Variants in MS4A8 observed in about 807,000 individuals in gnomAD.
MS4A8 encodes the protein membrane spanning 4-domains A8.
In MS4A8, 27 loss-of-function variants were observed where a neutral mutation model predicts 23.7. That is an observed-to-expected ratio of 1.14 (90% CI 0.84 to 1.57). The LOEUF is 1.57. Ranked by LOEUF, MS4A8 falls within the 40% of genes most tolerant of loss-of-function variation. MS4A8 has a pLI of 0.00. For missense variants in MS4A8, 301 were observed against 311.4 expected, an observed-to-expected ratio of 0.97 and a Z score of 0.25; for synonymous variants, 138 against 126.3, an observed-to-expected ratio of 1.09 and a Z score of -0.62.
intron 6 of MS4A8, 41 bp downstream of exon 6, chr11:60,715,175 A>G: frequency 6.5e-7 from 1 of 1,539,182 alleles, no homozygotes; most frequent in East Asian, 2.2e-5. Context: ...AGATGCCCCC[A>G]AAAAGGTGGA....
chr11:60,713,197 G>A (rs898534657), intron 5 of MS4A8, among the ~76,000 whole-genome samples: 1 of 144,300 alleles, frequency 6.9e-6, no homozygotes, highest in South Asian at 2.3e-4. Flanking sequence ...GAAGGGGTGG[G>A]TTGCCCCTTC....
chr11:60,701,167 T>C (rs2088201006), intron 2 of MS4A8, 88 bp downstream of exon 2: 1 of 1,260,260 alleles, frequency 7.9e-7, no homozygotes, highest in South Asian at 1.3e-5. Flanking sequence ...ACACAAACAC[T>C]ACATCCCGCA....
chr11:60,708,091 A>G (rs932369946), intron 4 of MS4A8, among the ~76,000 whole-genome samples: 3 of 151,794 alleles, frequency 2.0e-5, no homozygotes, highest in African/African-American at 7.3e-5. Flanking sequence ...CAGGTGATCC[A>G]CCTGCCTCAG....
chr11:60,705,181 GC>G, intron 3 of MS4A8, among the ~76,000 whole-genome samples: 1 of 152,188 alleles, frequency 6.6e-6, no homozygotes, highest in East Asian at 1.9e-4. Context: ...TCAGAACTCA[GC>G]CCCTTTCCCT....
At chr11:60,701,381 A>T (rs531177883) in intron 2 of MS4A8, 69 of 518,002 alleles carry the variant, frequency 1.3e-4, no homozygotes, top group South Asian at 1.0e-3. Flanking sequence ...GCCTCTGAAG[A>T]AAGGGGTCCC....
intron 2 of MS4A8, among the ~76,000 whole-genome samples, chr11:60,702,495 T>C (rs558953675): frequency 6.6e-6 from 1 of 152,340 alleles, no homozygotes; most frequent in East Asian, 1.9e-4. Flanking sequence ...CTCTGCCTCC[T>C]GGGTTTAAGC....
intron 3 of MS4A8, among the ~76,000 whole-genome samples, chr11:60,705,298 C>T (rs148164824): frequency 6.6e-6 from 1 of 152,356 alleles, no homozygotes; most frequent in Non-Finnish European, 1.5e-5. Context: ...CCATTGAGCA[C>T]ACAATGCCTA....
At chr11:60,711,921 G>A (rs1289798869) in intron 5 of MS4A8, 1 of 451,360 alleles carries the variant, frequency 2.2e-6, no homozygotes. Context: ...TGAACATGGA[G>A]GGTCGGACTG....
At chr11:60,703,590 C>T in intron 3 of MS4A8, 90 bp downstream of exon 3, 1 of 1,468,172 alleles carries the variant, frequency 6.8e-7, no homozygotes, top group Non-Finnish European at 9.3e-7. Context: ...CTGTGCCCTG[C>T]AGAAGGTTCC....
intron 6 of MS4A8, 78 bp downstream of exon 6, chr11:60,715,212 C>T: frequency 6.7e-7 from 1 of 1,486,884 alleles, no homozygotes; most frequent in African/African-American, 1.4e-5. Flanking sequence ...GTGCTTTCCA[C>T]TGCCTGCTCA....
chr11:60,704,114 T>G (rs903576044), intron 3 of MS4A8, among the ~76,000 whole-genome samples: 9 of 149,136 alleles, frequency 6.0e-5, no homozygotes, highest in African/African-American at 2.3e-4. Context: ...ATTTTCTTTT[T>G]ACTTTTTTTT....
Position 60,708,899 on chromosome 11 carries a change from C to A in MS4A8, c.534+118C>A, listed in dbSNP as rs1200821733. 3.9e-6 allele frequency: 5 copies of A among 1,281,872 alleles called. No homozygotes were observed. The African/African-American group carries it at 7.4e-5, about 19-fold the overall frequency. The allele number at this position is 1,281,872 out of a possible 1,614,324, so 79.4% of individuals were successfully genotyped here. On this transcript the variant is annotated intron_variant, in intron 5 of 6. Coordinates refer to ENST00000300226, the MANE Select transcript of MS4A8 (RefSeq NM_031457.2). ...CTGAACATGGTAGGAAAAGGAGGTG[C>A]TTTCAGCATAGGAACAAATTTTAAA...
Position 60,715,682 on chromosome 11 carries a change from G to A in MS4A8, c.*268G>A. On this transcript the variant is annotated 3_prime_UTR_variant, in exon 7 of 7. Coordinates refer to ENST00000300226, the MANE Select transcript of MS4A8 (RefSeq NM_031457.2). Reference sequence around the variant, plus strand: ...CATATGTGGGCATCCAGCCTCTGGGGCCTTGGCACACACACATTCGTGTGC... The same window carrying A: ...CATATGTGGGCATCCAGCCTCTGGGACCTTGGCACACACACATTCGTGTGC... 2.2e-6 allele frequency: 1 copy of A among 452,852 alleles called. No individual in the cohort carries two copies. Among genetic ancestry groups the A allele is most frequent in the South Asian group, 2.5e-5 (1 of 40,128 alleles). The allele number at this position is 452,852 out of a possible 1,614,324, so 28.1% of individuals were successfully genotyped here.
chr11:60,700,742 G>T, intron 1 of MS4A8, 118 bp from the exon 2 acceptor site: 1 of 931,088 alleles, frequency 1.1e-6, no homozygotes, highest in Non-Finnish European at 1.7e-6. Flanking sequence ...TTTGTAACAT[G>T]GGATTCATAA....
At chr11:60,703,317 T>G (rs2088221825) in intron 2 of MS4A8, 61 bp from the exon 3 acceptor site, 7 of 1,462,158 alleles carry the variant, frequency 4.8e-6, no homozygotes, top group Non-Finnish European at 6.3e-6. Context: ...AAAAGGAGGC[T>G]CATAGGGGAG....
chr11:60,708,315 G>A (rs1590954296), intron 4 of MS4A8, among the ~76,000 whole-genome samples: 1 of 152,148 alleles, frequency 6.6e-6, no homozygotes. Context: ...GCCCAACCCA[G>A]CTATTTTCAA....
chr11:60,714,415 C>G (rs2088325381), intron 5 of MS4A8, among the ~76,000 whole-genome samples: 1 of 152,142 alleles, frequency 6.6e-6, no homozygotes, highest in Admixed American at 6.5e-5. Context: ...AAAATGGAGT[C>G]TCCTATGTCT....
At chr11:60,711,298 A>G (rs4544021) in intron 5 of MS4A8, among the ~76,000 whole-genome samples, 1 of 152,172 alleles carries the variant, frequency 6.6e-6, no homozygotes, top group Admixed American at 6.5e-5. Flanking sequence ...TGTTGTTTGT[A>G]TTTGACCAGA....
In MS4A8 at chr11:60,715,123, C is replaced by G. The variant is rs2088331879; in HGVS notation, c.637C>G (p.Gln213Glu). ...CTTTGGCTGCCAGTTGGTCTGCTGTCAATCAAGCAATGTGAGTCCCAGGGT... is the reference window on the plus strand; with the variant it reads ...CTTTGGCTGCCAGTTGGTCTGCTGTGAATCAAGCAATGTGAGTCCCAGGGT... ...SHFGCQLVCCQSSNVSVIYPN... is the reference protein window; with the variant it reads ...SHFGCQLVCCESSNVSVIYPN... Residue 213 changes from glutamine (Q) to glutamate (E), a missense_variant, in exon 6 of 7, where the codon CAA (glutamine) becomes GAA (glutamate). Gln to Glu is a conservative substitution (Grantham distance 29). Coordinates refer to ENST00000300226, the MANE Select transcript of MS4A8 (RefSeq NM_031457.2). 1 of 1,612,904 alleles carries G rather than the reference C, an allele frequency of 6.2e-7. No homozygotes were observed. Among genetic ancestry groups the G allele is most frequent in the Non-Finnish European group, 8.5e-7 (1 of 1,178,890 alleles).
Sources: allele counts gnomAD v4.1 joint callset (sites outside exome capture counted in the v4.1 genomes callset), GRCh38; gene constraint gnomAD v4.1.1; transcripts MANE v1.5; gene names NCBI Gene and HGNC (gene_info 2026-07-23, HGNC 2026-07-21).